Variants in TRAPPC9 observed in about 807,000 individuals in gnomAD.
The protein encoded by TRAPPC9 is IKK2 binding protein.
Under a neutral mutation model 124.0 loss-of-function variants are expected in TRAPPC9, and 83 were observed. The ratio of observed to expected loss-of-function variants is 0.67; its 90% CI spans 0.56 to 0.80. The LOEUF (loss-of-function observed/expected upper bound fraction) is 0.80. TRAPPC9 is among the 30% of genes least tolerant of loss of function. The pLI, the probability that TRAPPC9 is intolerant of heterozygous loss-of-function variation, is 0.00. For missense variants in TRAPPC9, 1,302 were observed against 1,508.3 expected (o/e 0.86, Z 2.27); for synonymous variants, 638 against 617.5 (o/e 1.03, Z -0.49).
intron 9 of TRAPPC9, among the ~76,000 whole-genome samples, chr8:140,349,849 AGGTAGCCCGGCAAC>A (rs1272589375): frequency 1.3e-5 from 2 of 152,220 alleles, no homozygotes; most frequent in Non-Finnish European, 2.9e-5. Context: ...CACCACGTCC[AGGTAGCCCGGCAAC>A]GGTAGCACAG....
intron 14 of TRAPPC9, among the ~76,000 whole-genome samples, chr8:140,277,661 G>A (rs935965753): frequency 4.6e-5 from 7 of 152,198 alleles, no homozygotes; most frequent in African/African-American, 9.7e-5. Context: ...GGTGGGAATC[G>A]GGCTGGCACT....
At chr8:140,418,345 C>T (rs762867673) in intron 5 of TRAPPC9, among the ~76,000 whole-genome samples, 7 of 152,186 alleles carry the variant, frequency 4.6e-5, no homozygotes, top group Non-Finnish European at 1.0e-4. Context: ...TTAACCAATT[C>T]ATTATATGAG....
chr8:140,120,716 C>A (rs1248917013), intron 17 of TRAPPC9, among the ~76,000 whole-genome samples: 1 of 151,306 alleles, frequency 6.6e-6, no homozygotes, highest in Non-Finnish European at 1.5e-5. Context: ...ATCCAACAAC[C>A]GTCCATCCAT....
intron 18 of TRAPPC9, among the ~76,000 whole-genome samples, chr8:140,007,277 C>T (rs1308942561): frequency 6.6e-6 from 1 of 152,174 alleles, no homozygotes; most frequent in African/African-American, 2.4e-5. Context: ...ATTGTGCCTC[C>T]GGGTGACGGT....
chr8:140,154,084 C>G (rs890025425), intron 17 of TRAPPC9, among the ~76,000 whole-genome samples: 1 of 152,142 alleles, frequency 6.6e-6, no homozygotes, highest in Non-Finnish European at 1.5e-5. Flanking sequence ...TTAAAGGCAC[C>G]CTAAACTCGC....
intron 21 of TRAPPC9, among the ~76,000 whole-genome samples, chr8:139,824,444 C>T (rs747559459): frequency 5.3e-5 from 8 of 152,124 alleles, no homozygotes; most frequent in African/African-American, 1.4e-4. Context: ...GCACGTCGGG[C>T]GGTGGAGGAA....
chr8:140,189,759 A>G (rs2062440800), intron 17 of TRAPPC9, among the ~76,000 whole-genome samples: 1 of 152,138 alleles, frequency 6.6e-6, no homozygotes, highest in Non-Finnish European at 1.5e-5. Flanking sequence ...AATAAAAACA[A>G]TCTCCCAAAT....
intron 1 of TRAPPC9, among the ~76,000 whole-genome samples, chr8:140,453,776 C>G (rs2071552867): frequency 6.6e-6 from 1 of 152,128 alleles, no homozygotes; most frequent in Non-Finnish European, 1.5e-5. Flanking sequence ...TTTCTGCACA[C>G]AAAAACCACC....
intron 17 of TRAPPC9, among the ~76,000 whole-genome samples, chr8:140,109,275 C>T (rs895637073): frequency 1.3e-5 from 2 of 151,982 alleles, no homozygotes; most frequent in African/African-American, 4.8e-5. Flanking sequence ...GGAGGGGGCA[C>T]TAATAATAAT....
chr8:140,313,001 C>T (rs1038010440), intron 9 of TRAPPC9, among the ~76,000 whole-genome samples: 3 of 152,100 alleles, frequency 2.0e-5, no homozygotes, highest in Non-Finnish European at 4.4e-5. Context: ...CTCAAGTGAT[C>T]CCCCCACCTT....
At chr8:139,955,864 C>T (rs568929592) in intron 19 of TRAPPC9, among the ~76,000 whole-genome samples, 19 of 152,200 alleles carry the variant, frequency 1.2e-4, no homozygotes, top group Admixed American at 5.9e-4. Context: ...AGCTCTGCAG[C>T]GCTTCTGTGA....
intron 5 of TRAPPC9, 73 bp downstream of exon 5, chr8:140,426,542 C>T: frequency 7.2e-7 from 1 of 1,387,514 alleles, no homozygotes; most frequent in Non-Finnish European, 1.0e-6. Context: ...AAATTTTAAC[C>T]ATTCATTCAC....
intron 19 of TRAPPC9, among the ~76,000 whole-genome samples, chr8:139,973,268 C>T (rs1335013008): frequency 6.6e-6 from 1 of 152,196 alleles, no homozygotes; most frequent in Non-Finnish European, 1.5e-5. Flanking sequence ...GGGTCAGGCC[C>T]CGCACCGTAT....
chr8:140,398,816 G>A (rs898076875), intron 6 of TRAPPC9, among the ~76,000 whole-genome samples: 4 of 152,244 alleles, frequency 2.6e-5, no homozygotes, highest in Non-Finnish European at 4.4e-5. Context: ...GCATAAGTAA[G>A]AGGCAGCCAA....
chr8:140,326,877 T>C (rs1470898505), intron 9 of TRAPPC9, among the ~76,000 whole-genome samples: 3 of 151,924 alleles, frequency 2.0e-5, no homozygotes, highest in Non-Finnish European at 4.4e-5. Context: ...CGAGACCCTG[T>C]CTCAAAAAAA....
At chr8:139,848,667 TC>T (rs774758339) in intron 21 of TRAPPC9, among the ~76,000 whole-genome samples, 39 of 152,182 alleles carry the variant, frequency 2.6e-4, no homozygotes, top group Non-Finnish European at 5.0e-4. Flanking sequence ...TATATATATC[TC>T]CCAGCTCCCG....
At chr8:139,829,799 A>G (rs1825856470) in intron 21 of TRAPPC9, among the ~76,000 whole-genome samples, 1 of 152,230 alleles carries the variant, frequency 6.6e-6, no homozygotes, top group Admixed American at 6.5e-5. Flanking sequence ...GCGATGCTAC[A>G]CACATGAGCT....
chr8:139,787,998 C>A, intron 21 of TRAPPC9, among the ~76,000 whole-genome samples: 1 of 152,318 alleles, frequency 6.6e-6, no homozygotes, highest in East Asian at 1.9e-4. Context: ...CCGCGGGCAT[C>A]TGACCCTGTG....
chr8:140,179,594 T>C (rs1362541410), intron 17 of TRAPPC9, among the ~76,000 whole-genome samples: 1 of 152,132 alleles, frequency 6.6e-6, no homozygotes, highest in East Asian at 1.9e-4. Context: ...ATCAAATTGG[T>C]TGTGAGTGTC....
Sources: gnomAD v4.1 joint callset for allele counts (sites outside exome capture counted in the v4.1 genomes callset) on GRCh38, gnomAD v4.1.1 for gene constraint, MANE v1.5 for transcripts, NCBI Gene and HGNC (gene_info 2026-07-23, HGNC 2026-07-21) for gene names.